SYT1: variants seen among roughly 807,000 people sequenced by gnomAD.
SYT1 encodes synaptotagmin 1, also known as synaptotagmin-1.
Under a neutral mutation model 44.8 loss-of-function variants are expected in SYT1, and 8 were observed. The ratio of observed to expected loss-of-function variants is 0.18; its 90% CI spans 0.10 to 0.32. The LOEUF is 0.32. SYT1 is among the 10% of genes least tolerant of loss of function. The pLI is 1.00. For synonymous variants in SYT1, 154 were observed against 188.8 expected, an observed-to-expected ratio of 0.82 and a Z score of 1.51; for missense variants, 286 against 509.3, an observed-to-expected ratio of 0.56 and a Z score of 4.22.
chr12:78,921,039 A>T (rs1348824376), intron 1 of SYT1, among the ~76,000 whole-genome samples: 1 of 151,898 alleles, frequency 6.6e-6, no homozygotes, highest in African/African-American at 2.4e-5. Flanking sequence ...TTTATTTAGT[A>T]TTACAACTTT....
intron 1 of SYT1, among the ~76,000 whole-genome samples, chr12:78,920,187 A>G (rs1876899181): frequency 6.6e-6 from 1 of 152,050 alleles, no homozygotes. Context: ...AACTAAATTA[A>G]AATCTTGGAA....
chr12:79,057,231 T>C (rs1875016736), intron 3 of SYT1, among the ~76,000 whole-genome samples: 1 of 152,040 alleles, frequency 6.6e-6, no homozygotes, highest in South Asian at 2.1e-4. Flanking sequence ...GCAATCTATA[T>C]CCTCTGTTCT....
At chr12:79,396,487 T>C (rs1191800346) in intron 9 of SYT1, among the ~76,000 whole-genome samples, 2 of 152,144 alleles carry the variant, frequency 1.3e-5, no homozygotes, top group Non-Finnish European at 2.9e-5. Context: ...TTGAAGGTCA[T>C]AGGAAATAAT....
chr12:78,915,919 T>G (rs977459699), intron 1 of SYT1, among the ~76,000 whole-genome samples: 1 of 152,034 alleles, frequency 6.6e-6, no homozygotes, highest in Non-Finnish European at 1.5e-5. Flanking sequence ...GATTCCCTAA[T>G]GCATAAGGAT....
chr12:79,443,244 C>T (rs894259985), intron 9 of SYT1, among the ~76,000 whole-genome samples: 1 of 152,166 alleles, frequency 6.6e-6, no homozygotes, highest in African/African-American at 2.4e-5. Flanking sequence ...TATTTAGGCT[C>T]AGTTGGCCTC....
intron 3 of SYT1, among the ~76,000 whole-genome samples, chr12:79,137,582 G>A (rs1338253516): frequency 6.6e-6 from 1 of 152,044 alleles, no homozygotes; most frequent in Non-Finnish European, 1.5e-5. Flanking sequence ...CTGCTTCCTA[G>A]TACTAATTTT....
intron 3 of SYT1, among the ~76,000 whole-genome samples, chr12:79,171,886 G>A (rs751121045): frequency 6.6e-6 from 1 of 151,978 alleles, no homozygotes; most frequent in Non-Finnish European, 1.5e-5. Flanking sequence ...ATGATAGCAT[G>A]TTGAGAAAGC....
At position 79,285,794 on chromosome 12, in the gene SYT1, G is replaced by A. The variant is rs760435569; in HGVS notation, c.174G>A (p.Pro58=). 38 of 1,603,946 alleles carry A rather than the reference G, an allele frequency of 2.4e-5. No individual in the cohort carries two copies. Among genetic ancestry groups the A allele is most frequent in the East Asian group, 9.0e-5 (4 of 44,688 alleles). Residue 58 remains proline, a synonymous_variant, in exon 5 of 11, where the codon CCG becomes CCA. Transcript: ENST00000261205. Reference sequence around the variant, plus strand: ...TCTGTGTGTTTCTTTCAGTGCCACCGTGGGCCTTAATTGCAATAGCCATAG... The same window carrying A: ...TCTGTGTGTTTCTTTCAGTGCCACCATGGGCCTTAATTGCAATAGCCATAG... ...MNELHKIPLP[P]WALIAIAIVA...
chr12:79,344,562 C>G (rs1882523259), intron 8 of SYT1, among the ~76,000 whole-genome samples: 1 of 152,148 alleles, frequency 6.6e-6, no homozygotes, highest in East Asian at 1.9e-4. Flanking sequence ...AAGTAATCCT[C>G]CCACCTCAGC....
intron 1 of SYT1, among the ~76,000 whole-genome samples, chr12:78,955,890 C>A (rs557857238): frequency 1.2e-3 from 176 of 150,784 alleles, no homozygotes; most frequent in African/African-American, 4.1e-3. Flanking sequence ...TCTGCACTAT[C>A]AATTGCATTT....
intron 4 of SYT1, among the ~76,000 whole-genome samples, chr12:79,233,717 T>TA (rs1212674682): frequency 6.6e-6 from 1 of 152,240 alleles, no homozygotes; most frequent in Non-Finnish European, 1.5e-5. Flanking sequence ...CCCTCATCAG[T>TA]AGTGAATCTG....
chr12:79,349,658 G>A (rs1356975111), intron 8 of SYT1, among the ~76,000 whole-genome samples: 2 of 152,122 alleles, frequency 1.3e-5, no homozygotes, highest in Non-Finnish European at 2.9e-5. Context: ...GATATGACTT[G>A]GGTATCTTCT....
chr12:78,889,991 G>T (rs967099522), intron 1 of SYT1, among the ~76,000 whole-genome samples: 18 of 151,846 alleles, frequency 1.2e-4, no homozygotes, highest in Non-Finnish European at 2.6e-4. Context: ...GTTTTATTAA[G>T]TACATTCAGT....
chr12:78,967,677 C>A (rs1215035293), intron 1 of SYT1, among the ~76,000 whole-genome samples: 1 of 152,000 alleles, frequency 6.6e-6, no homozygotes, highest in African/African-American at 2.4e-5. Context: ...GAGCAGATAG[C>A]CATCAGTGGG....
chr12:78,931,199 GAAA>G (rs763892848), intron 1 of SYT1, among the ~76,000 whole-genome samples: 1,979 of 33,266 alleles, frequency 0.059, 92 homozygotes, highest in East Asian at 0.21. Flanking sequence ...AAGAAAGAAA[GAAA>G]GAAAGAAAGA....
chr12:79,409,481 C>G (rs1015180249), intron 9 of SYT1, among the ~76,000 whole-genome samples: 4 of 152,082 alleles, frequency 2.6e-5, no homozygotes, highest in African/African-American at 9.7e-5. Flanking sequence ...AGATATATTA[C>G]TTCGCTTTGT....
intron 2 of SYT1, among the ~76,000 whole-genome samples, chr12:79,041,469 G>A (rs1473008922): frequency 6.6e-6 from 1 of 151,324 alleles, no homozygotes; most frequent in Non-Finnish European, 1.5e-5. Context: ...TTTGTACATT[G>A]ATTTTGTATC....
intron 1 of SYT1, among the ~76,000 whole-genome samples, chr12:78,945,877 A>C (rs1401514504): frequency 6.6e-6 from 1 of 152,128 alleles, no homozygotes; most frequent in East Asian, 1.9e-4. Context: ...TCTTGGTTTT[A>C]CCACTTTTTC....
At chr12:79,307,500 G>C (rs112616613) in intron 8 of SYT1, among the ~76,000 whole-genome samples, 1 of 152,044 alleles carries the variant, frequency 6.6e-6, no homozygotes, top group East Asian at 1.9e-4. Flanking sequence ...CTGACCTTCC[G>C]AGCTGGCGGG....
Sources: allele counts gnomAD v4.1 joint callset (sites outside exome capture counted in the v4.1 genomes callset), GRCh38; gene constraint gnomAD v4.1.1; transcripts MANE v1.5; gene names NCBI Gene and HGNC (gene_info 2026-07-23, HGNC 2026-07-21).